The following NBAS variants were observed in gnomAD, a reference collection of about 807,000 sequenced individuals.
NBAS encodes NAG/BC035112 fusion.
Under a neutral mutation model 302.5 loss-of-function variants are expected in NBAS, and 219 were observed. That is an observed-to-expected ratio of 0.72 (90% CI 0.65 to 0.81). NBAS has a LOEUF of 0.81. Among genes scored for constraint, NBAS ranks in the 30% least tolerant of loss-of-function variants. The pLI is 0.00. For missense variants in NBAS, 2,932 were observed against 2,841.6 expected (o/e 1.03, Z -0.72); for synonymous variants, 1,118 against 1,021.6 (o/e 1.09, Z -1.80).
chr2:15,527,681 AGTTTT>A (rs1558413615), intron 9 of NBAS, among the ~76,000 whole-genome samples: 1 of 152,214 alleles, frequency 6.6e-6, no homozygotes, highest in African/African-American at 2.4e-5. Context: ...TTGGCCATTA[AGTTTT>A]AATACATGGA....
chr2:15,415,131 G>A (rs575169080), intron 25 of NBAS, among the ~76,000 whole-genome samples: 23 of 152,234 alleles, frequency 1.5e-4, no homozygotes, highest in Middle Eastern at 3.4e-3. Context: ...TACTTACTGT[G>A]CAACCCTGGG....
At chr2:15,119,068 A>G in the NBAS span, among the ~76,000 whole-genome samples, 1 of 152,012 alleles carries the variant, frequency 6.6e-6, no homozygotes, top group African/African-American at 2.4e-5. Flanking sequence ...CAAGGGGAGG[A>G]AGGGTGAGAA....
chr2:14,996,414 C>T, the NBAS span, among the ~76,000 whole-genome samples: 1 of 152,214 alleles, frequency 6.6e-6, no homozygotes, highest in Non-Finnish European at 1.5e-5. Context: ...GTGGTGGAGT[C>T]CCAGTTTCAG....
the NBAS span, among the ~76,000 whole-genome samples, chr2:14,936,693 A>C: frequency 1.3e-5 from 2 of 152,208 alleles, no homozygotes; most frequent in South Asian, 4.2e-4. Flanking sequence ...GGGAGATTCG[A>C]GGTGGTAGTT....
chr2:15,560,084 C>G (rs1432864473), intron 1 of NBAS, among the ~76,000 whole-genome samples: 4 of 151,994 alleles, frequency 2.6e-5, no homozygotes, highest in Admixed American at 2.6e-4. Context: ...GTTTCTCCAG[C>G]AAAGAAACAC....
intron 35 of NBAS, among the ~76,000 whole-genome samples, chr2:15,335,646 T>C (rs1395648899): frequency 1.3e-5 from 2 of 152,238 alleles, no homozygotes; most frequent in African/African-American, 4.8e-5. Context: ...AAGTGTCTGT[T>C]TGAGTCTTTT....
chr2:15,536,290 A>T (rs1663507574), intron 8 of NBAS, 128 bp downstream of exon 8: 2 of 1,103,692 alleles, frequency 1.8e-6, no homozygotes, highest in South Asian at 2.9e-5. Flanking sequence ...CACTCTTTCA[A>T]ATTCCCTATT....
Position 15,459,643 on chromosome 2 carries a change from C to T in NBAS, c.2339+1558G>A, listed in dbSNP as rs528537580. On this transcript the variant is annotated intron_variant, in intron 21 of 51. Transcript: ENST00000281513. ...TACAGGCCCCTGCTACCACGCCCAG[C>T]TAATTTTTTATATTTTTAGTAGAGA... 2.0e-5 allele frequency among the ~76,000 whole-genome samples: 3 copies of T among 152,098 alleles called. No homozygotes were observed. In the South Asian group the frequency reaches 6.2e-4, roughly 32 times the overall value.
At position 15,440,734 on chromosome 2, in the gene NBAS, AG is replaced by A. The variant is rs375872853; in HGVS notation, c.2340-12941del. Among the ~76,000 whole-genome samples the A allele has an allele frequency of 7.4e-3, 1,128 of 152,304 alleles. 13 individuals are homozygous for A. The highest frequency in any genetic ancestry group is 0.026 in the African/African-American group (1,066 of 41,556). ...AGCTACAGGAGGAAATTCAAACCAA[AG>A]GCAAAGAATTTGAAAACTTTGAAAA... On this transcript the variant is annotated intron_variant, in intron 21 of 51. Coordinates refer to ENST00000281513, the MANE Select transcript of NBAS (RefSeq NM_015909.4).
At chr2:15,394,919 C>CA (rs1675796334) in intron 27 of NBAS, among the ~76,000 whole-genome samples, 1 of 152,034 alleles carries the variant, frequency 6.6e-6, no homozygotes, top group African/African-American at 2.4e-5. Flanking sequence ...ATCTGACTCA[C>CA]AAAATCTCAC....
chr2:15,197,982 T>C (rs1393974939), intron 48 of NBAS, among the ~76,000 whole-genome samples: 1 of 152,234 alleles, frequency 6.6e-6, no homozygotes, highest in Non-Finnish European at 1.5e-5. Flanking sequence ...CCATGAGAAG[T>C]AGATTATGGA....
chr2:14,887,399 C>CAAAAAAAAAAAAAAAAAAAAAA, the NBAS span, among the ~76,000 whole-genome samples: 2 of 84,612 alleles, frequency 2.4e-5, no homozygotes, highest in African/African-American at 4.5e-5. Context: ...TGAGACTCCT[C>CAAAAAAAAAAAAAAAAAAAAAA]AAAAAAAAAA....
Position 15,227,867 on chromosome 2 carries a change from C to T in NBAS, c.6236+4555G>A, listed in dbSNP as rs116706778. Reference sequence around the variant, plus strand: ...ATGAATTAAAGACTTAAATGTAAAACCCAAAAATATGAAACTAGTAGAAGA... The same window carrying T: ...ATGAATTAAAGACTTAAATGTAAAATCCAAAAATATGAAACTAGTAGAAGA... On this transcript the variant is annotated intron_variant, in intron 47 of 51. Coordinates refer to ENST00000281513, the MANE Select transcript of NBAS (RefSeq NM_015909.4). 2.7e-3 allele frequency among the ~76,000 whole-genome samples: 407 copies of T among 152,122 alleles called. 3 individuals are homozygous for T. The highest frequency in any genetic ancestry group is 9.4e-3 in the African/African-American group (389 of 41,498).
At chr2:15,050,013 A>G in the NBAS span, among the ~76,000 whole-genome samples, 2 of 152,220 alleles carry the variant, frequency 1.3e-5, no homozygotes, top group Non-Finnish European at 2.9e-5. Context: ...CCTGGATTTT[A>G]GCACAACTGT....
chr2:14,896,697 C>A, the NBAS span, among the ~76,000 whole-genome samples: 1 of 152,002 alleles, frequency 6.6e-6, no homozygotes, highest in Non-Finnish European at 1.5e-5. Context: ...TTGAGGGCCT[C>A]GTTAAGGGTA....
In NBAS at chr2:15,400,861, C is replaced by A. The variant is rs550562633; in HGVS notation, c.3071+1307G>T. Among the ~76,000 whole-genome samples the A allele has an allele frequency of 6.8e-4, 104 of 152,214 alleles. 1 individual carries two copies. The highest frequency in any genetic ancestry group is 3.4e-3 in the Middle Eastern group (1 of 294). On this transcript the variant is annotated intron_variant, in intron 26 of 51. Transcript: ENST00000281513. ...AAGACCAGTTAATGCATAGAATATC[C>A]CACATTCAGTAGTTGTCTTACTGCT...
chr2:15,049,038 C>G, the NBAS span, among the ~76,000 whole-genome samples: 1 of 152,224 alleles, frequency 6.6e-6, no homozygotes, highest in Admixed American at 6.5e-5. Flanking sequence ...AGGAGTCAGC[C>G]AGGCGAAGGG....
chr2:15,433,751 T>C (rs940020590), intron 21 of NBAS, among the ~76,000 whole-genome samples: 6 of 152,124 alleles, frequency 3.9e-5, no homozygotes, highest in Admixed American at 1.3e-4. Context: ...AACTAGTTTG[T>C]TAAATCATTA....
At chr2:15,444,661 A>G (rs1678626086) in intron 21 of NBAS, among the ~76,000 whole-genome samples, 1 of 152,070 alleles carries the variant, frequency 6.6e-6, no homozygotes, top group African/African-American at 2.4e-5. Context: ...AATAGGATCT[A>G]ATTAAACTAA....
Sources: allele counts gnomAD v4.1 joint callset (sites outside exome capture counted in the v4.1 genomes callset), GRCh38; gene constraint gnomAD v4.1.1; transcripts MANE v1.5; gene names NCBI Gene and HGNC (gene_info 2026-07-23, HGNC 2026-07-21).